Variants in PLEKHH2 observed in about 807,000 individuals in gnomAD.
PLEKHH2 encodes pleckstrin homology, MyTH4 and FERM domain containing H2.
Under a neutral mutation model 187.9 loss-of-function variants are expected in PLEKHH2, and 129 were observed. The ratio of observed to expected loss-of-function variants is 0.69; its 90% CI spans 0.59 to 0.79. PLEKHH2 has a LOEUF of 0.79. Ranked by LOEUF, PLEKHH2 falls within the 30% of genes least tolerant of loss-of-function variation. PLEKHH2 has a pLI of 0.00. For synonymous variants in PLEKHH2, 686 were observed against 605.6 expected, an observed-to-expected ratio of 1.13 and a Z score of -1.95; for missense variants, 2,076 against 1,751.2, an observed-to-expected ratio of 1.19 and a Z score of -3.31.
At chr2:43,707,071 C>T (rs1319233372) in intron 10 of PLEKHH2, among the ~76,000 whole-genome samples, 3 of 151,732 alleles carry the variant, frequency 2.0e-5, no homozygotes, top group Non-Finnish European at 2.9e-5. Context: ...TGGCAGGTGC[C>T]TGTAATCCCA....
At chr2:43,681,517 G>T (rs1226454301) in intron 3 of PLEKHH2, 2 of 1,524,248 alleles carry the variant, frequency 1.3e-6, no homozygotes, top group Non-Finnish European at 1.8e-6. Context: ...TTGTGCAGCT[G>T]GCCAGAAATG....
rs529617718 is a variant in PLEKHH2, at chr2:43,731,593, A to G, written c.2934A>G (p.Lys978=). The change falls in exon 19 of 30, where the codon AAA becomes AAG. Residue 978 remains lysine, a synonymous_variant. Transcript: ENST00000282406. ...PSEALQTEAI[K]LFKTCQLFIN... Reference sequence around the variant, plus strand: ...AAGCCCTGCAGACAGAAGCTATTAAATTATTTAAGGTAAAATATTTATATG... The same window carrying G: ...AAGCCCTGCAGACAGAAGCTATTAAGTTATTTAAGGTAAAATATTTATATG... 13 of 1,546,424 alleles carry G rather than the reference A, an allele frequency of 8.4e-6. No individual in the cohort carries two copies. The East Asian group carries it at 9.0e-5, about 11-fold the overall frequency.
intron 2 of PLEKHH2, among the ~76,000 whole-genome samples, chr2:43,678,168 G>A (rs1402092378): frequency 6.6e-6 from 1 of 150,812 alleles, no homozygotes; most frequent in Admixed American, 6.6e-5. Flanking sequence ...CGGGCAGAGA[G>A]GCTCCTCACT....
chr2:43,744,122 A>G lies in PLEKHH2; in HGVS notation c.3555+133A>G. The G allele has an allele frequency of 4.2e-6, 6 of 1,419,790 alleles. No individual in the cohort carries two copies. The South Asian group carries it at 9.9e-5, about 24-fold the overall frequency. The allele number at this position is 1,419,790 out of a possible 1,614,324, so 87.9% of individuals were successfully genotyped here. A position where few individuals can be genotyped will look rare whatever the true frequency, so the allele number is the denominator to read the frequency against. On this transcript the variant is annotated intron_variant, in intron 23 of 29. Coordinates refer to ENST00000282406, the MANE Select transcript of PLEKHH2 (RefSeq NM_172069.4). ...CTTTAACCAATCTAATCTCCACGAT[A>G]AGAAAAAAAAAATGCAGGACTTTGT...
intron 22 of PLEKHH2, among the ~76,000 whole-genome samples, chr2:43,743,183 G>A (rs114930952): frequency 0.014 from 2,131 of 152,212 alleles, 24 homozygotes; most frequent in South Asian, 0.056. Context: ...AAAACACTTC[G>A]GTTGGGGCTT....
chr2:43,714,739 A>G (rs149470914), intron 15 of PLEKHH2, among the ~76,000 whole-genome samples: 14 of 152,306 alleles, frequency 9.2e-5, no homozygotes, highest in African/African-American at 3.4e-4. Flanking sequence ...ATGCAGCACA[A>G]TGTGCTGAAA....
chr2:43,669,873 T>G (rs1331172831), intron 2 of PLEKHH2, among the ~76,000 whole-genome samples: 2 of 152,014 alleles, frequency 1.3e-5, no homozygotes, highest in South Asian at 4.2e-4. Context: ...TCAAAAGGAT[T>G]TGAAACAATG....
intron 27 of PLEKHH2, among the ~76,000 whole-genome samples, chr2:43,761,386 A>G (rs964228319): frequency 1.4e-5 from 2 of 143,832 alleles, no homozygotes; most frequent in African/African-American, 5.1e-5. Flanking sequence ...TTTTTTTTCT[A>G]TGAGAACCAG....
At chr2:43,650,632 T>C (rs927869641) in intron 2 of PLEKHH2, among the ~76,000 whole-genome samples, 1 of 151,650 alleles carries the variant, frequency 6.6e-6, no homozygotes, top group Non-Finnish European at 1.5e-5. Flanking sequence ...AAGCATTACC[T>C]TTCTTCTTTT....
intron 23 of PLEKHH2, among the ~76,000 whole-genome samples, chr2:43,744,674 C>T (rs2104601749): frequency 6.6e-6 from 1 of 151,850 alleles, no homozygotes; most frequent in African/African-American, 2.4e-5. Context: ...TTGAGACCAG[C>T]CTGGGCAGCA....
intron 25 of PLEKHH2, among the ~76,000 whole-genome samples, chr2:43,754,529 A>C (rs1672136572): frequency 6.6e-6 from 1 of 152,160 alleles, no homozygotes; most frequent in Admixed American, 6.5e-5. Flanking sequence ...ACTACCTACC[A>C]GGGAGTCCGG....
At chr2:43,725,424 T>G (rs1327862532) in intron 16 of PLEKHH2, among the ~76,000 whole-genome samples, 2 of 152,186 alleles carry the variant, frequency 1.3e-5, no homozygotes, top group East Asian at 1.9e-4. Flanking sequence ...CCAGGAGACC[T>G]TCCCCCCTCC....
At chr2:43,675,340 C>A in intron 2 of PLEKHH2, 1 of 1,456,190 alleles carries the variant, frequency 6.9e-7, no homozygotes, top group Admixed American at 2.6e-5. Context: ...ATTTCAAGTG[C>A]TCTTGGACAG....
intron 2 of PLEKHH2, among the ~76,000 whole-genome samples, chr2:43,667,374 T>G (rs1032268686): frequency 1.3e-5 from 2 of 152,236 alleles, no homozygotes; most frequent in African/African-American, 4.8e-5. Context: ...TGGAAAACAG[T>G]TGGGTAGTTC....
At chr2:43,677,507 G>A (rs552636145) in intron 2 of PLEKHH2, among the ~76,000 whole-genome samples, 34 of 151,970 alleles carry the variant, frequency 2.2e-4, no homozygotes, top group African/African-American at 8.2e-4. Flanking sequence ...GAGAGCACAG[G>A]GTTGGGGGTA....
At chr2:43,655,300 T>A (rs1386479651) in intron 2 of PLEKHH2, among the ~76,000 whole-genome samples, 2 of 151,898 alleles carry the variant, frequency 1.3e-5, no homozygotes, top group Non-Finnish European at 2.9e-5. Flanking sequence ...AACAAAAAAA[T>A]ATCTGTATAG....
intron 20 of PLEKHH2, among the ~76,000 whole-genome samples, chr2:43,739,056 T>G (rs1020525983): frequency 1.3e-5 from 2 of 152,126 alleles, no homozygotes; most frequent in South Asian, 4.1e-4. Flanking sequence ...CACTCCCGGC[T>G]AATTTTGCAT....
intron 2 of PLEKHH2, among the ~76,000 whole-genome samples, chr2:43,671,130 G>A (rs934558236): frequency 4.1e-4 from 63 of 152,028 alleles, no homozygotes; most frequent in African/African-American, 1.5e-3. Context: ...GGGATTACAG[G>A]CACCTGCCAC....
chr2:43,640,489 G>A (rs1434769184), intron 1 of PLEKHH2, among the ~76,000 whole-genome samples: 2 of 152,120 alleles, frequency 1.3e-5, no homozygotes, highest in African/African-American at 2.4e-5. Context: ...CCACCATGCT[G>A]GCCTGTTTAA....
Sources: allele counts gnomAD v4.1 joint callset (sites outside exome capture counted in the v4.1 genomes callset), GRCh38; gene constraint gnomAD v4.1.1; transcripts MANE v1.5; gene names NCBI Gene and HGNC (gene_info 2026-07-23, HGNC 2026-07-21).